MAPKAPK2: variants seen among roughly 807,000 people sequenced by gnomAD.
MAPKAPK2 encodes the protein MAPK activated protein kinase 2.
Under a neutral mutation model 48.8 loss-of-function variants are expected in MAPKAPK2, and 9 were observed. That is an observed-to-expected ratio of 0.18 (90% CI 0.11 to 0.32). The LOEUF (loss-of-function observed/expected upper bound fraction) is 0.32, where lower values mean the gene tolerates loss of function less well. Among genes scored for constraint, MAPKAPK2 ranks in the 10% least tolerant of loss-of-function variants. The pLI is 1.00. For synonymous variants in MAPKAPK2, 202 were observed against 190.6 expected (o/e 1.06, Z -0.49); for missense variants, 331 against 498.3 (o/e 0.66, Z 3.20).
At chr1:206,717,784 A>C (rs1196795039) in intron 1 of MAPKAPK2, among the ~76,000 whole-genome samples, 1 of 152,114 alleles carries the variant, frequency 6.6e-6, no homozygotes, top group Non-Finnish European at 1.5e-5. Context: ...GCACCTCAGA[A>C]CCCAAACCCT....
At chr1:206,718,671 C>T (rs532662330) in intron 1 of MAPKAPK2, among the ~76,000 whole-genome samples, 4 of 152,160 alleles carry the variant, frequency 2.6e-5, no homozygotes, top group South Asian at 4.1e-4. Context: ...CTTTCTTCTA[C>T]GACACCGCAC....
At chr1:206,720,262 TAC>T (rs1673474433) in intron 1 of MAPKAPK2, among the ~76,000 whole-genome samples, 1 of 152,256 alleles carries the variant, frequency 6.6e-6, no homozygotes, top group Admixed American at 6.5e-5. Flanking sequence ...ACCTAGAAAA[TAC>T]AGACATAATA....
intron 1 of MAPKAPK2, among the ~76,000 whole-genome samples, chr1:206,724,549 C>CTTT (rs11405091): frequency 4.5e-5 from 6 of 134,502 alleles, no homozygotes; most frequent in African/African-American, 5.5e-5. Context: ...ATGACCAGTC[C>CTTT]TTTTTTTTTT....
chr1:206,731,799 A>G lies in MAPKAPK2; in HGVS notation c.979-40A>G. 6.2e-7 allele frequency: 1 copy of G among 1,609,804 alleles called. No homozygotes were observed. The highest frequency in any genetic ancestry group is 8.5e-7 in the Non-Finnish European group (1 of 1,176,202). On this transcript the variant is annotated intron_variant, in intron 8 of 9. Transcript: ENST00000367103. The surrounding 1 kb of genome is among the most constrained non-coding windows in gnomAD (Gnocchi z 5.9). ...AGGACAGAGTCTTAGCCAGGACCCTACCCCAGGCTTTCACTCGGACCCCTT... is the reference window on the plus strand; with the variant it reads ...AGGACAGAGTCTTAGCCAGGACCCTGCCCCAGGCTTTCACTCGGACCCCTT...
chr1:206,714,423 G>T (rs1673256218), intron 1 of MAPKAPK2, among the ~76,000 whole-genome samples: 1 of 151,890 alleles, frequency 6.6e-6, no homozygotes, highest in Non-Finnish European at 1.5e-5. Flanking sequence ...TTTTCCAGAG[G>T]CAGATGTTGA....
At chr1:206,724,918 C>T (rs1553431709) in intron 1 of MAPKAPK2, among the ~76,000 whole-genome samples, 1 of 152,186 alleles carries the variant, frequency 6.6e-6, no homozygotes, top group Non-Finnish European at 1.5e-5. Flanking sequence ...GTGGAAACTA[C>T]CCTATATAGA....
At chr1:206,730,321 A>G (rs1358772554) in intron 5 of MAPKAPK2, among the ~76,000 whole-genome samples, 1 of 152,256 alleles carries the variant, frequency 6.6e-6, no homozygotes, top group Non-Finnish European at 1.5e-5. Context: ...GAGAAGAGCC[A>G]TGGTTTCCAT....
chr1:206,708,211 G>C (rs1344092985), intron 1 of MAPKAPK2, among the ~76,000 whole-genome samples: 1 of 152,110 alleles, frequency 6.6e-6, no homozygotes, highest in Non-Finnish European at 1.5e-5. Flanking sequence ...TCTGCCCTCC[G>C]CAGGCCCCTG....
intron 5 of MAPKAPK2, 132 bp from the exon 6 acceptor site, chr1:206,730,555 TC>T: frequency 1.3e-6 from 1 of 753,152 alleles, no homozygotes; most frequent in Non-Finnish European, 2.3e-6. Context: ...CTTTGGCTCT[TC>T]CTTCTGTGCC....
intron 1 of MAPKAPK2, among the ~76,000 whole-genome samples, chr1:206,726,619 C>T (rs1673710129): frequency 6.6e-6 from 1 of 152,220 alleles, no homozygotes; most frequent in Non-Finnish European, 1.5e-5. Context: ...ATCTTGGCTT[C>T]CAGCCTCCTC....
intron 1 of MAPKAPK2, among the ~76,000 whole-genome samples, chr1:206,713,969 G>A (rs145506818): frequency 6.6e-6 from 1 of 152,304 alleles, no homozygotes; most frequent in African/African-American, 2.4e-5. Flanking sequence ...AGACAAAATT[G>A]GATTGCTTCT....
intron 1 of MAPKAPK2, among the ~76,000 whole-genome samples, chr1:206,728,349 T>C (rs1320104836): frequency 6.6e-6 from 1 of 152,124 alleles, no homozygotes; most frequent in African/African-American, 2.4e-5. Flanking sequence ...TATTGGTTTT[T>C]CTCAGTCTGC....
In MAPKAPK2 at chr1:206,732,548, C is replaced by G; in HGVS notation, c.1060-27C>G. 6.2e-7 allele frequency: 1 copy of G among 1,612,634 alleles called. No homozygotes were observed. The highest frequency in any genetic ancestry group is 8.5e-7 in the Non-Finnish European group (1 of 1,179,460). On this transcript the variant is annotated intron_variant, in intron 9 of 9. Transcript: ENST00000367103. This position sits in a 1 kb window ranked among gnomAD's most constrained non-coding sequence, Gnocchi z 4.4. ...TACCTGTCTTCTGGCTCTCTCTGTA[C>G]CCTTCCTGGTGCTGCCGTGCCCCCA...
chr1:206,725,816 C>G (rs781882481), intron 1 of MAPKAPK2, among the ~76,000 whole-genome samples: 2 of 152,016 alleles, frequency 1.3e-5, no homozygotes, highest in African/African-American at 4.8e-5. Flanking sequence ...CCTCCTGAAC[C>G]CTTTGAATTT....
At chr1:206,713,896 C>T (rs1673236890) in intron 1 of MAPKAPK2, among the ~76,000 whole-genome samples, 1 of 151,756 alleles carries the variant, frequency 6.6e-6, no homozygotes, top group African/African-American at 2.4e-5. Flanking sequence ...AGAAAAGGGG[C>T]TGCAACCCAG....
At chr1:206,693,117 G>A (rs1672508182) in intron 1 of MAPKAPK2, among the ~76,000 whole-genome samples, 1 of 152,098 alleles carries the variant, frequency 6.6e-6, no homozygotes, top group Non-Finnish European at 1.5e-5. Flanking sequence ...CGAGTTGTTC[G>A]TTTGCTGCCA....
intron 1 of MAPKAPK2, among the ~76,000 whole-genome samples, chr1:206,687,597 C>A (rs1251124144): frequency 6.6e-6 from 1 of 152,216 alleles, no homozygotes; most frequent in Non-Finnish European, 1.5e-5. Flanking sequence ...ACAGCACTTC[C>A]ATATCCAAAT....
chr1:206,729,142 C>G (rs1553432282), intron 3 of MAPKAPK2, 43 bp downstream of exon 3: 9 of 1,594,902 alleles, frequency 5.6e-6, no homozygotes, highest in Non-Finnish European at 7.7e-6. Flanking sequence ...GCAGGCAGGG[C>G]AGTGGGGGTC....
At chr1:206,723,909 G>C (rs1407725431) in intron 1 of MAPKAPK2, among the ~76,000 whole-genome samples, 1 of 152,226 alleles carries the variant, frequency 6.6e-6, no homozygotes, top group Non-Finnish European at 1.5e-5. Flanking sequence ...CAGTTGGCAG[G>C]GGGCCTTGCC....
Sources: gnomAD v4.1 joint callset for allele counts (sites outside exome capture counted in the v4.1 genomes callset) on GRCh38, gnomAD v4.1.1 for gene constraint, Gnocchi (gnomAD v3.1) non-coding constraint, MANE v1.5 for transcripts, NCBI Gene and HGNC (gene_info 2026-07-23, HGNC 2026-07-21) for gene names.